ZDHHC7: variants seen among roughly 807,000 people sequenced by gnomAD.
The protein encoded by ZDHHC7 is palmitoyltransferase ZDHHC7.
Under a neutral mutation model 34.1 loss-of-function variants are expected in ZDHHC7, and 12 were observed. The ratio of observed to expected loss-of-function variants is 0.35; its 90% CI spans 0.23 to 0.57. ZDHHC7 has a LOEUF of 0.57. ZDHHC7 is among the 20% of genes least tolerant of loss of function. ZDHHC7 has a pLI of 0.84. For missense variants in ZDHHC7, 388 were observed against 402.7 expected (o/e 0.96, Z 0.31); for synonymous variants, 185 against 155.4 (o/e 1.19, Z -1.42).
At chr16:84,986,165 G>C (rs140361876) in intron 3 of ZDHHC7, among the ~76,000 whole-genome samples, 22 of 152,274 alleles carry the variant, frequency 1.4e-4, no homozygotes, top group African/African-American at 5.3e-4. Flanking sequence ...GAACGGCGTG[G>C]GCGAGGCCAC....
intron 1 of ZDHHC7, among the ~76,000 whole-genome samples, chr16:84,996,285 C>G (rs1204585618): frequency 6.6e-6 from 1 of 152,180 alleles, no homozygotes; most frequent in Non-Finnish European, 1.5e-5. Context: ...GCTAAAATCC[C>G]TCCAGAAAAA....
chr16:84,984,421 G>A (rs1229372767), intron 3 of ZDHHC7, among the ~76,000 whole-genome samples: 2 of 152,074 alleles, frequency 1.3e-5, no homozygotes, highest in South Asian at 2.1e-4. Context: ...GGTGACAGTC[G>A]AGTGTTACAC....
At chr16:84,978,199 T>A (rs2072323220) in intron 5 of ZDHHC7, 194 bp from the exon 6 acceptor site, 1 of 472,026 alleles carries the variant, frequency 2.1e-6, no homozygotes, top group Non-Finnish European at 3.8e-6. Context: ...CCCGGCTAAC[T>A]GTTTTGCATT....
At chr16:85,024,797 A>G in the ZDHHC7 span, among the ~76,000 whole-genome samples, 1 of 152,188 alleles carries the variant, frequency 6.6e-6, no homozygotes, top group Non-Finnish European at 1.5e-5. Context: ...TGATCAATCC[A>G]GTTATTCCAA....
intron 2 of ZDHHC7, among the ~76,000 whole-genome samples, chr16:84,994,982 C>G (rs2072557708): frequency 6.6e-6 from 1 of 152,130 alleles, no homozygotes; most frequent in South Asian, 2.1e-4. Flanking sequence ...AGAAACCATT[C>G]CTTTACATGG....
the ZDHHC7 span, among the ~76,000 whole-genome samples, chr16:85,027,266 T>C: frequency 1.4e-3 from 210 of 152,294 alleles, no homozygotes; most frequent in African/African-American, 4.9e-3. Context: ...ATACCATTTA[T>C]TTATTATTAT....
At chr16:84,976,970 CTCA>C in intron 7 of ZDHHC7, 122 bp downstream of exon 7, 2 of 1,378,902 alleles carry the variant, frequency 1.5e-6, no homozygotes, top group Non-Finnish European at 2.0e-6. Flanking sequence ...CTGGTTGCAG[CTCA>C]TCAAGACCGT....
rs956207520 is a variant in ZDHHC7 at position 84,990,579 on chromosome 16, G to A, written c.40C>T (p.His14Tyr). The A allele has an allele frequency of 3.1e-6, 5 of 1,614,082 alleles. No individual in the cohort carries two copies. In the Admixed American group the frequency reaches 5.0e-5, roughly 16 times the overall value. The change falls in exon 3 of 8, where the codon CAT becomes TAT. Residue 14 changes from histidine to tyrosine, a missense_variant. Physicochemically the swap from His to Tyr is moderately conservative, Grantham distance 83 (BLOSUM62 2). Coordinates refer to ENST00000313732, the MANE Select transcript of ZDHHC7 (RefSeq NM_017740.3). ...SGHRLRDVEH[H>Y]PLLAENDNYD... is the part of the protein sequence containing the mutation. Reference sequence around the variant, plus strand: ...TTGTCATTTTCAGCCAGGAGAGGATGATGCTCGACGTCCCGGAGCCTGTGT... The same window carrying A: ...TTGTCATTTTCAGCCAGGAGAGGATAATGCTCGACGTCCCGGAGCCTGTGT...
chr16:85,017,001 G>T, the ZDHHC7 span, among the ~76,000 whole-genome samples: 1 of 151,478 alleles, frequency 6.6e-6, no homozygotes, highest in Admixed American at 6.6e-5. Flanking sequence ...GAGTGGAATG[G>T]TGTGATCTTG....
chr16:84,978,395 A>C (rs1409428455), intron 5 of ZDHHC7, among the ~76,000 whole-genome samples: 1 of 152,232 alleles, frequency 6.6e-6, no homozygotes, highest in Admixed American at 6.5e-5. Flanking sequence ...GCAGCAGTTG[A>C]CATTTTCCTA....
intron 5 of ZDHHC7, among the ~76,000 whole-genome samples, chr16:84,978,427 G>C (rs543508335): frequency 9.2e-5 from 14 of 152,222 alleles, no homozygotes; most frequent in Non-Finnish European, 1.8e-4. Flanking sequence ...ATTAGACCAA[G>C]TAGAATAATT....
chr16:84,990,112 C>T (rs144795375), intron 3 of ZDHHC7, among the ~76,000 whole-genome samples, 192 bp downstream of exon 3: 1 of 152,320 alleles, frequency 6.6e-6, no homozygotes, highest in African/African-American at 2.4e-5. Context: ...GGGTATTTCA[C>T]TGCGCTAGGT....
chr16:84,991,706 T>C (rs1475892733), intron 2 of ZDHHC7, among the ~76,000 whole-genome samples: 6 of 151,592 alleles, frequency 4.0e-5, no homozygotes, highest in Non-Finnish European at 7.4e-5. Flanking sequence ...TCTGACTATG[T>C]TGCCTGGGCT....
chr16:85,003,398 T>G (rs950895902), intron 1 of ZDHHC7, among the ~76,000 whole-genome samples: 4 of 152,134 alleles, frequency 2.6e-5, no homozygotes, highest in Admixed American at 6.5e-5. Flanking sequence ...ACGTCCTCCC[T>G]CAACTCACAA....
intron 6 of ZDHHC7, 104 bp downstream of exon 6, chr16:84,977,820 T>C: frequency 1.2e-6 from 1 of 864,964 alleles, no homozygotes; most frequent in Non-Finnish European, 1.8e-6. Flanking sequence ...ATAATTGCAA[T>C]GATTTCCTTC....
At chr16:85,007,288 T>A (rs757028798) in intron 1 of ZDHHC7, among the ~76,000 whole-genome samples, 1 of 151,532 alleles carries the variant, frequency 6.6e-6, no homozygotes, top group African/African-American at 2.4e-5. Context: ...CCGGGCATGA[T>A]GGTGGGTGCC....
At chr16:85,017,315 T>C in the ZDHHC7 span, among the ~76,000 whole-genome samples, 1 of 152,110 alleles carries the variant, frequency 6.6e-6, no homozygotes, top group Non-Finnish European at 1.5e-5. Flanking sequence ...CACAATGAAA[T>C]AGTATCCAGA....
At chr16:85,027,143 A>G in the ZDHHC7 span, among the ~76,000 whole-genome samples, 7 of 152,244 alleles carry the variant, frequency 4.6e-5, no homozygotes, top group African/African-American at 1.4e-4. Flanking sequence ...GATGGAATCT[A>G]CCAGTCTCAA....
In ZDHHC7 at chr16:84,974,503, C is replaced by T. The variant is rs1298912473; in HGVS notation, c.*1840G>A. ...ATTACTTTATTTCATATAAAAGTTACATTGAAAGAAGAGGTTGAAAAGTCA... is the reference window on the plus strand; with the variant it reads ...ATTACTTTATTTCATATAAAAGTTATATTGAAAGAAGAGGTTGAAAAGTCA... On this transcript the variant is annotated 3_prime_UTR_variant, in exon 8 of 8. Transcript: ENST00000313732. 1 of 152,494 alleles carries T rather than the reference C, an allele frequency of 6.6e-6. No individual in the cohort carries two copies. Among genetic ancestry groups the T allele is most frequent in the African/African-American group, 2.4e-5 (1 of 41,434 alleles). 9.4% of individuals were successfully genotyped at this position (152,494 alleles called of 1,614,324 possible). A position where few individuals can be genotyped will look rare whatever the true frequency, so the allele number is the denominator to read the frequency against.
Sources: allele counts gnomAD v4.1 joint callset (sites outside exome capture counted in the v4.1 genomes callset), GRCh38; gene constraint gnomAD v4.1.1; transcripts MANE v1.5; gene names NCBI Gene and HGNC (gene_info 2026-07-23, HGNC 2026-07-21).